FRMD4B: variants seen among roughly 807,000 people sequenced by gnomAD.
FRMD4B encodes the protein FERM domain containing 4B, also known as FERM domain-containing protein 4B.
Under a neutral mutation model 141.5 loss-of-function variants are expected in FRMD4B, and 74 were observed. That is an observed-to-expected ratio of 0.52 (90% confidence interval 0.43 to 0.63). The LOEUF (loss-of-function observed/expected upper bound fraction) is 0.63. FRMD4B is among the 30% of genes least tolerant of loss of function. FRMD4B has a pLI of 0.00. For missense variants in FRMD4B, 1,366 were observed against 1,253.4 expected (o/e 1.09, Z -1.36); for synonymous variants, 506 against 467.9 (o/e 1.08, Z -1.05).
At chr3:69,312,030 G>T (rs1701610862) in intron 2 of FRMD4B, among the ~76,000 whole-genome samples, 1 of 152,282 alleles carries the variant, frequency 6.6e-6, no homozygotes, top group African/African-American at 2.4e-5. Flanking sequence ...TAAAGCCTAA[G>T]CTTTTCCTTC....
intron 1 of FRMD4B, among the ~76,000 whole-genome samples, chr3:69,454,146 G>A (rs1047246495): frequency 6.6e-6 from 1 of 152,188 alleles, no homozygotes; most frequent in Admixed American, 6.5e-5. Context: ...GAAGAAGGAG[G>A]AATTTCTGAG....
At chr3:69,430,109 C>T (rs916346937) in intron 2 of FRMD4B, among the ~76,000 whole-genome samples, 15 of 152,052 alleles carry the variant, frequency 9.9e-5, no homozygotes, top group African/African-American at 3.6e-4. Flanking sequence ...TATTCTAGTA[C>T]AAACGGGACT....
At chr3:69,445,654 C>T (rs1422625767) in intron 1 of FRMD4B, among the ~76,000 whole-genome samples, 1 of 152,166 alleles carries the variant, frequency 6.6e-6, no homozygotes, top group Non-Finnish European at 1.5e-5. Context: ...TCCCACCTTA[C>T]TGGGTCAAGT....
intron 1 of FRMD4B, among the ~76,000 whole-genome samples, chr3:69,517,468 G>A (rs182545619): frequency 2.6e-5 from 4 of 152,136 alleles, no homozygotes; most frequent in African/African-American, 9.7e-5. Context: ...AGTAGTGTTA[G>A]GATCAGAGAT....
At chr3:69,200,739 A>C (rs2092957557) in intron 11 of FRMD4B, 1 of 1,114,964 alleles carries the variant, frequency 9.0e-7, no homozygotes, top group South Asian at 1.3e-5. Flanking sequence ...CTAGGAAGTA[A>C]GTTGCTTTGA....
At chr3:69,211,583 G>T (rs1421520775) in intron 11 of FRMD4B, among the ~76,000 whole-genome samples, 1 of 152,212 alleles carries the variant, frequency 6.6e-6, no homozygotes, top group East Asian at 1.9e-4. Context: ...TTTCAAAACA[G>T]CCTTTCGGCA....
chr3:69,188,444 A>G (rs2092794396), intron 18 of FRMD4B, among the ~76,000 whole-genome samples: 1 of 152,180 alleles, frequency 6.6e-6, no homozygotes. Flanking sequence ...ATCACCTCAC[A>G]TGAAGAATTC....
intron 1 of FRMD4B, among the ~76,000 whole-genome samples, chr3:69,341,804 G>A (rs1285472726): frequency 6.6e-6 from 1 of 152,156 alleles, no homozygotes; most frequent in Non-Finnish European, 1.5e-5. Flanking sequence ...TTTGCCTTTT[G>A]CCATGAGAGG....
intron 1 of FRMD4B, among the ~76,000 whole-genome samples, chr3:69,332,455 G>A (rs1702400639): frequency 6.6e-6 from 1 of 152,232 alleles, no homozygotes; most frequent in Non-Finnish European, 1.5e-5. Context: ...GAAGTCACCG[G>A]CCTCAGGTGA....
At chr3:69,456,847 CTCTT>C (rs1170649218) in intron 1 of FRMD4B, among the ~76,000 whole-genome samples, 2 of 152,042 alleles carry the variant, frequency 1.3e-5, no homozygotes, top group Admixed American at 1.3e-4. Flanking sequence ...CACAGCCACA[CTCTT>C]TCTTTTACAT....
At chr3:69,189,232 AAAAAAAAAAAAAAAG>A (rs1168175108) in intron 18 of FRMD4B, among the ~76,000 whole-genome samples, 2 of 150,748 alleles carry the variant, frequency 1.3e-5, no homozygotes, top group Non-Finnish European at 3.0e-5. Flanking sequence ...CAAAAAAAAA[AAAAAAAAAAAAAAAG>A]AGAGAGAGAG....
intron 1 of FRMD4B, among the ~76,000 whole-genome samples, chr3:69,345,573 G>C (rs1266680642): frequency 6.6e-6 from 1 of 152,200 alleles, no homozygotes; most frequent in East Asian, 1.9e-4. Context: ...AGCCTAACAG[G>C]GTGGCACCCC....
intron 1 of FRMD4B, among the ~76,000 whole-genome samples, chr3:69,472,938 C>CTTTTTTTTTTTTTTTTTTT (rs71618285): frequency 3.7e-5 from 4 of 108,328 alleles, no homozygotes; most frequent in East Asian, 2.6e-4. Context: ...TTTTTTTTTT[C>CTTTTTTTTTTTTTTTTTTT]TTTTTTTTTT....
intron 2 of FRMD4B, among the ~76,000 whole-genome samples, chr3:69,411,650 C>CTA (rs1704763178): frequency 6.6e-6 from 1 of 152,176 alleles, no homozygotes; most frequent in African/African-American, 2.4e-5. Context: ...ACCCTGATCT[C>CTA]CTGTCTAGGG....
intron 1 of FRMD4B, among the ~76,000 whole-genome samples, chr3:69,513,950 T>C (rs1706730003): frequency 6.6e-6 from 1 of 152,266 alleles, no homozygotes; most frequent in Admixed American, 6.5e-5. Flanking sequence ...GCTAACATAA[T>C]ACTCAATGGT....
At chr3:69,332,672 G>A (rs559858719) in intron 1 of FRMD4B, among the ~76,000 whole-genome samples, 88 of 151,844 alleles carry the variant, frequency 5.8e-4, no homozygotes, top group Middle Eastern at 3.4e-3. Flanking sequence ...GAACGCCTGA[G>A]CTCAAATGAT....
chr3:69,294,524 T>G (rs1328134550), intron 4 of FRMD4B, among the ~76,000 whole-genome samples: 1 of 152,240 alleles, frequency 6.6e-6, no homozygotes, highest in Non-Finnish European at 1.5e-5. Flanking sequence ...AATGTGCTTC[T>G]CTGCCAGGAA....
intron 1 of FRMD4B, among the ~76,000 whole-genome samples, chr3:69,319,070 T>C (rs1701904009): frequency 6.6e-6 from 1 of 152,196 alleles, no homozygotes. Context: ...TGCTTGACAT[T>C]TAACACTCAT....
At chr3:69,247,750 G>A (rs553785622) in intron 7 of FRMD4B, among the ~76,000 whole-genome samples, 1 of 152,152 alleles carries the variant, frequency 6.6e-6, no homozygotes, top group Non-Finnish European at 1.5e-5. Context: ...CCGGGTTCAC[G>A]CCATTCTCCT....
Sources: allele counts gnomAD v4.1 joint callset (sites outside exome capture counted in the v4.1 genomes callset), GRCh38; gene constraint gnomAD v4.1.1; transcripts MANE v1.5; gene names NCBI Gene and HGNC (gene_info 2026-07-23, HGNC 2026-07-21).